Variants in GRID2 observed in about 807,000 individuals in gnomAD.
The protein encoded by GRID2 is glutamate ionotropic receptor delta type subunit 2.
Under a neutral mutation model 114.8 loss-of-function variants are expected in GRID2, and 33 were observed. The ratio of observed to expected loss-of-function variants is 0.29; its 90% confidence interval spans 0.22 to 0.38. The LOEUF is 0.38. GRID2 is among the 10% of genes least tolerant of loss of function. The pLI is 1.00. For missense variants in GRID2, 1,184 were observed against 1,257.7 expected (o/e 0.94, Z 0.89); for synonymous variants, 505 against 449.9 (o/e 1.12, Z -1.55).
intron 14 of GRID2, among the ~76,000 whole-genome samples, chr4:93,655,175 C>G (rs1005544587): frequency 3.3e-5 from 5 of 152,244 alleles, no homozygotes; most frequent in Non-Finnish European, 7.4e-5. Flanking sequence ...AATTTCAAGA[C>G]TTGCATAAAG....
intron 2 of GRID2, among the ~76,000 whole-genome samples, chr4:92,686,071 T>G (rs1244648242): frequency 6.6e-6 from 1 of 151,958 alleles, no homozygotes; most frequent in East Asian, 1.9e-4. Context: ...TGAATGACTC[T>G]CTCTGTAAAG....
intron 1 of GRID2, among the ~76,000 whole-genome samples, chr4:92,541,486 T>TAAG (rs1469433326): frequency 6.6e-6 from 1 of 151,462 alleles, no homozygotes; most frequent in Non-Finnish European, 1.5e-5. Flanking sequence ...AATTTTCCAA[T>TAAG]AATAATAATA....
intron 2 of GRID2, among the ~76,000 whole-genome samples, chr4:92,891,685 A>G (rs1746793926): frequency 6.6e-6 from 1 of 152,206 alleles, no homozygotes; most frequent in Non-Finnish European, 1.5e-5. Flanking sequence ...TATAGGCTGT[A>G]ATGTTTTGCA....
Position 93,266,589 on chromosome 4 carries a change from T to G in GRID2, c.1245+28099T>G, listed in dbSNP as rs186208138. ...CCCAGTAATGAACATGTCACTTGTA[T>G]TTTTAGTAGAGACGGGGTTTCACCA... On this transcript the variant is annotated intron_variant, in intron 8 of 15. Transcript: ENST00000282020. Among the ~76,000 whole-genome samples, 179 of 152,238 alleles carry G rather than the reference T, an allele frequency of 1.2e-3. 3 individuals are homozygous for G. The highest frequency in any genetic ancestry group is 4.3e-3 in the African/African-American group (177 of 41,570).
chr4:92,551,873 A>T (rs532383005), intron 1 of GRID2, among the ~76,000 whole-genome samples: 1 of 152,244 alleles, frequency 6.6e-6, no homozygotes, highest in African/African-American at 2.4e-5. Flanking sequence ...TGAGTAATGC[A>T]TTTTAAGTAA....
chr4:92,642,404 T>A (rs936251699), intron 2 of GRID2, among the ~76,000 whole-genome samples: 3 of 151,932 alleles, frequency 2.0e-5, no homozygotes, highest in African/African-American at 7.2e-5. Flanking sequence ...GATAAGCATT[T>A]TTTCATATGT....
intron 2 of GRID2, among the ~76,000 whole-genome samples, chr4:92,706,201 C>T (rs534094157): frequency 2.0e-5 from 3 of 152,182 alleles, no homozygotes; most frequent in South Asian, 4.1e-4. Flanking sequence ...GTCAAAGCTA[C>T]GTATGCACTT....
intron 14 of GRID2, among the ~76,000 whole-genome samples, chr4:93,638,124 A>G (rs975491313): frequency 2.0e-5 from 3 of 152,108 alleles, no homozygotes; most frequent in Non-Finnish European, 1.5e-5. Context: ...CCAATTTCAA[A>G]TAGAGAAATA....
intron 2 of GRID2, among the ~76,000 whole-genome samples, chr4:92,914,642 T>C (rs911164310): frequency 2.6e-5 from 4 of 152,102 alleles, no homozygotes; most frequent in African/African-American, 9.7e-5. Flanking sequence ...TATCATTTAG[T>C]TCCCACTTGT....
chr4:93,749,610 C>T (rs1732138379), intron 14 of GRID2, among the ~76,000 whole-genome samples: 2 of 152,154 alleles, frequency 1.3e-5, no homozygotes, highest in Admixed American at 1.3e-4. Context: ...ACCATGCCCT[C>T]TCCTGAAATG....
chr4:92,664,844 C>T (rs1017177668), intron 2 of GRID2, among the ~76,000 whole-genome samples: 1 of 150,900 alleles, frequency 6.6e-6, no homozygotes, highest in African/African-American at 2.4e-5. Context: ...AGTATAGTTA[C>T]TCCTGATCTC....
At chr4:92,611,840 G>A (rs973383758) in intron 2 of GRID2, among the ~76,000 whole-genome samples, 2 of 151,012 alleles carry the variant, frequency 1.3e-5, no homozygotes, top group African/African-American at 4.9e-5. Context: ...TTTATTTGAG[G>A]TTTTTTGACA....
rs888869259 is a variant in GRID2, at chr4:92,845,406, C to G, written c.245-239589C>G. On this transcript the variant is annotated intron_variant, in intron 2 of 15. Transcript: ENST00000282020. ...TCATGAAATATCTGTAGAGGGCTTA[C>G]CATGTCCTGTGCATTGTTTTAGAAA... is the stretch of plus-strand genomic sequence containing the variant. Among the ~76,000 whole-genome samples the G allele has an allele frequency of 5.3e-4, 81 of 152,170 alleles. 1 individual carries two copies. The highest frequency in any genetic ancestry group is 1.0e-4 in the Non-Finnish European group (7 of 68,000).
At chr4:92,851,799 A>C (rs1578309846) in intron 2 of GRID2, among the ~76,000 whole-genome samples, 1 of 152,058 alleles carries the variant, frequency 6.6e-6, no homozygotes, top group East Asian at 1.9e-4. Context: ...AGTAACACCT[A>C]AGTTCCTGCC....
intron 1 of GRID2, among the ~76,000 whole-genome samples, chr4:92,334,774 C>T (rs1727079428): frequency 6.6e-6 from 1 of 152,164 alleles, no homozygotes; most frequent in Admixed American, 6.5e-5. Context: ...CATAACAGTA[C>T]TGTATGTGGA....
chr4:92,337,116 A>G (rs1214886443), intron 1 of GRID2, among the ~76,000 whole-genome samples: 1 of 151,962 alleles, frequency 6.6e-6, no homozygotes, highest in Non-Finnish European at 1.5e-5. Context: ...TGTCAGAGCC[A>G]TATCTCCATT....
At chr4:93,181,873 A>G (rs961900195) in intron 4 of GRID2, among the ~76,000 whole-genome samples, 3 of 152,230 alleles carry the variant, frequency 2.0e-5, no homozygotes. Flanking sequence ...ATTTTAAAAT[A>G]TAGTGTAACA....
chr4:92,454,946 A>T (rs756694969), intron 1 of GRID2, among the ~76,000 whole-genome samples: 9 of 152,190 alleles, frequency 5.9e-5, no homozygotes, highest in Non-Finnish European at 1.2e-4. Flanking sequence ...AGAGTATTTA[A>T]AAAAAATTAT....
chr4:92,719,943 G>A (rs10032050), intron 2 of GRID2, among the ~76,000 whole-genome samples: 40,940 of 151,810 alleles, frequency 0.27, 5,759 homozygotes, highest in East Asian at 0.42. Context: ...AGATAATACG[G>A]TTTTATTATT....
Sources: gnomAD v4.1 joint callset for allele counts (sites outside exome capture counted in the v4.1 genomes callset) on GRCh38, gnomAD v4.1.1 for gene constraint, MANE v1.5 for transcripts, NCBI Gene and HGNC (gene_info 2026-07-23, HGNC 2026-07-21) for gene names.